TENM2: variants seen among roughly 807,000 people sequenced by gnomAD.
The protein encoded by TENM2 is teneurin transmembrane protein 2, also known as teneurin-2.
Under a neutral mutation model 245.2 loss-of-function variants are expected in TENM2, and 52 were observed. The observed-to-expected ratio is 0.21, with a 90% CI of 0.17 to 0.27. The LOEUF is 0.27. Ranked by LOEUF, TENM2 falls within the 10% of genes least tolerant of loss-of-function variation. The probability of loss-of-function intolerance (pLI) is 1.00; values close to 1 mark genes in which losing one functional copy is unlikely to be tolerated. For missense variants in TENM2, 3,046 were observed against 3,666.8 expected (o/e 0.83, Z 4.37); for synonymous variants, 1,363 against 1,438.9 (o/e 0.95, Z 1.19).
In TENM2 at chr5:167,836,959, A is replaced by G. The variant is rs570226544; in HGVS notation, c.503-39027A>G. Among the ~76,000 whole-genome samples, 11 of 152,266 alleles carry G rather than the reference A, an allele frequency of 7.2e-5. No individual in the cohort carries two copies. In the South Asian group the frequency reaches 2.3e-3, roughly 32 times the overall value. Reference sequence around the variant, plus strand: ...TATAGTTATATAAACTACTAGTAGTATATAAACTACTGTCATTTTCCTGAG... The same window carrying G: ...TATAGTTATATAAACTACTAGTAGTGTATAAACTACTGTCATTTTCCTGAG... On this transcript the variant is annotated intron_variant, in intron 2 of 28. Coordinates refer to ENST00000518659, the Ensembl canonical transcript of TENM2.
chr5:167,684,166 G>C (rs1343184590), intron 2 of TENM2, among the ~76,000 whole-genome samples: 1 of 152,168 alleles, frequency 6.6e-6, no homozygotes, highest in Non-Finnish European at 1.5e-5. Context: ...TCTGTGATGA[G>C]GTCTCTAATA....
intron 2 of TENM2, among the ~76,000 whole-genome samples, chr5:167,772,140 C>A (rs1763444019): frequency 6.6e-6 from 1 of 152,108 alleles, no homozygotes; most frequent in East Asian, 1.9e-4. Context: ...CACATTTTAC[C>A]CACATGATTC....
chr5:167,823,510 T>C (rs1767712023), intron 2 of TENM2, among the ~76,000 whole-genome samples: 1 of 152,222 alleles, frequency 6.6e-6, no homozygotes, highest in South Asian at 2.1e-4. Flanking sequence ...TCTGGAATGC[T>C]GTATAAAACA....
At chr5:167,853,786 C>T (rs923642284) in intron 2 of TENM2, among the ~76,000 whole-genome samples, 1 of 152,116 alleles carries the variant, frequency 6.6e-6, no homozygotes, top group Non-Finnish European at 1.5e-5. Context: ...TGGACATTTC[C>T]CATGTAAGTT....
chr5:167,585,124 G>A (rs539293221), intron 2 of TENM2, among the ~76,000 whole-genome samples: 1 of 152,164 alleles, frequency 6.6e-6, no homozygotes, highest in African/African-American at 2.4e-5. Flanking sequence ...CTTAGTCTAG[G>A]GCAGATTCAA....
At chr5:167,185,210 T>A in the TENM2 span, among the ~76,000 whole-genome samples, 1 of 152,146 alleles carries the variant, frequency 6.6e-6, no homozygotes, top group East Asian at 1.9e-4. Flanking sequence ...CATGACTGAA[T>A]CTTTGGGGAG....
At chr5:167,283,591 C>T (rs1281828502), upstream of TENM2, among the ~76,000 whole-genome samples, 1 of 152,178 alleles carries the variant, frequency 6.6e-6, no homozygotes, top group Non-Finnish European at 1.5e-5. Context: ...GGGTTCAAAA[C>T]TATAGATCTG....
chr5:167,852,030 A>G (rs950054581), intron 2 of TENM2, among the ~76,000 whole-genome samples: 4 of 152,328 alleles, frequency 2.6e-5, no homozygotes, highest in African/African-American at 7.2e-5. Flanking sequence ...TCTTTGATAA[A>G]CTCAATAGAG....
At chr5:166,992,412 A>G in the TENM2 span, among the ~76,000 whole-genome samples, 1 of 152,212 alleles carries the variant, frequency 6.6e-6, no homozygotes, top group South Asian at 2.1e-4. Context: ...TTATTCTTAG[A>G]AAATATTAAC....
chr5:167,056,471 A>G, the TENM2 span, among the ~76,000 whole-genome samples: 4 of 146,542 alleles, frequency 2.7e-5, no homozygotes, highest in South Asian at 6.3e-4. Context: ...TTTAATATAT[A>G]TGTATTATAT....
chr5:167,973,046 TCTC>T (rs1416357295), intron 4 of TENM2, among the ~76,000 whole-genome samples: 5 of 152,208 alleles, frequency 3.3e-5, no homozygotes, highest in African/African-American at 1.2e-4. Flanking sequence ...GTTTGCCTCT[TCTC>T]CTCATCCACC....
rs1300757910 is a variant in TENM2 at position 168,057,798 on chromosome 5, TAATA to T, written c.1310-4255_1310-4252del. 3.9e-5 allele frequency among the ~76,000 whole-genome samples: 6 copies of T among 152,234 alleles called. No homozygotes were observed. The East Asian group carries it at 1.2e-3, about 29-fold the overall frequency. ...AGAGCTTCTAAAATTTTATTTTATT[TAATA>T]AATAAAATTCAGTTTACATGTTGTC... On this transcript the variant is annotated intron_variant, in intron 6 of 28. Coordinates refer to ENST00000518659, the Ensembl canonical transcript of TENM2.
At chr5:167,383,773 T>G (rs918256021) in intron 2 of TENM2, among the ~76,000 whole-genome samples, 4 of 151,834 alleles carry the variant, frequency 2.6e-5, no homozygotes, top group African/African-American at 7.2e-5. Flanking sequence ...TGTACCTTCA[T>G]TTTCCCTTGT....
intron 2 of TENM2, among the ~76,000 whole-genome samples, chr5:167,569,602 T>G (rs1368990708): frequency 2.0e-5 from 3 of 152,182 alleles, no homozygotes; most frequent in Non-Finnish European, 4.4e-5. Flanking sequence ...TCAGTTTTGT[T>G]GTCTGTAAAA....
At chr5:168,219,279 G>A (rs972164333) in intron 23 of TENM2, among the ~76,000 whole-genome samples, 8 of 152,124 alleles carry the variant, frequency 5.3e-5, no homozygotes, top group African/African-American at 1.9e-4. Context: ...ACAGCACCTG[G>A]GAGGTAAAAT....
chr5:168,068,366 T>C (rs1790685056), intron 7 of TENM2, among the ~76,000 whole-genome samples: 1 of 152,070 alleles, frequency 6.6e-6, no homozygotes, highest in Non-Finnish European at 1.5e-5. Flanking sequence ...GGTGCTGTAA[T>C]TCAGGAGTTT....
intron 27 of TENM2, among the ~76,000 whole-genome samples, chr5:168,257,389 C>T (rs534302585): frequency 6.6e-6 from 1 of 152,254 alleles, no homozygotes; most frequent in East Asian, 1.9e-4. Flanking sequence ...GAAAAGCCCG[C>T]TGGGCAGAGG....
intron 2 of TENM2, among the ~76,000 whole-genome samples, chr5:167,486,292 A>G (rs1037833235): frequency 1.3e-5 from 2 of 151,754 alleles, no homozygotes; most frequent in African/African-American, 4.8e-5. Context: ...TGACAATAAT[A>G]ATAGTTATTA....
intron 2 of TENM2, among the ~76,000 whole-genome samples, chr5:167,636,036 T>A (rs1779192117): frequency 6.6e-6 from 1 of 152,160 alleles, no homozygotes; most frequent in African/African-American, 2.4e-5. Context: ...TGTTTTTGTT[T>A]TTATTTGTTC....
Sources: allele counts gnomAD v4.1 joint callset (sites outside exome capture counted in the v4.1 genomes callset), GRCh38; gene constraint gnomAD v4.1.1; transcripts MANE v1.5; gene names NCBI Gene and HGNC (gene_info 2026-07-23, HGNC 2026-07-21).